Variants in CENPK observed in about 807,000 individuals in gnomAD.
The protein encoded by CENPK is centromere protein K, also known as SoxLZ/Sox6-binding protein Solt.
Under a neutral mutation model 40.9 loss-of-function variants are expected in CENPK, and 46 were observed. That is an observed-to-expected ratio of 1.13 (90% CI 0.89 to 1.44). CENPK has a LOEUF of 1.44. CENPK is among the 40% of genes most tolerant of loss of function. CENPK has a pLI of 0.00. For missense variants in CENPK, 288 were observed against 303.5 expected, an observed-to-expected ratio of 0.95 and a Z score of 0.38; for synonymous variants, 107 against 104.4, an observed-to-expected ratio of 1.02 and a Z score of -0.15.
Position 65,518,482 on chromosome 5 carries a change from T to G in CENPK, c.803A>C (p.His268Pro). Residue 268 changes from histidine to proline, a missense_variant, in exon 11 of 11, where the codon CAT (histidine) becomes CCT (proline). Transcript: ENST00000396679. ...DPTRIRLEAFHQ is the reference protein window; with the variant it reads ...DPTRIRLEAFPQ Reference sequence around the variant, plus strand: ...AAAAAAGAAAACATCCTTTTACTGATGGAAAGCTTCTAATCTTATTCGGGT... The same window carrying G: ...AAAAAAGAAAACATCCTTTTACTGAGGGAAAGCTTCTAATCTTATTCGGGT... 1 of 1,609,504 alleles carries G rather than the reference T, an allele frequency of 6.2e-7. No homozygotes were observed. The highest frequency in any genetic ancestry group is 8.5e-7 in the Non-Finnish European group (1 of 1,178,946).
intron 6 of CENPK, among the ~76,000 whole-genome samples, chr5:65,539,307 T>C (rs72762433): frequency 0.21 from 31,535 of 152,148 alleles, 3,846 homozygotes; most frequent in South Asian, 0.32. Context: ...CTAAATATGA[T>C]TTAAATTAAA....
chr5:65,511,339 C>T, the CENPK span, among the ~76,000 whole-genome samples: 1 of 152,162 alleles, frequency 6.6e-6, no homozygotes, highest in Non-Finnish European at 1.5e-5. Flanking sequence ...AGTGGCTATG[C>T]TAAACAGCAA....
chr5:65,524,141 CA>C lies in CENPK; in HGVS notation c.598-2614del, dbSNP rs1744242650. On this transcript the variant is annotated intron_variant, in intron 9 of 10. Transcript: ENST00000396679. ...CTGTAATCCTAGCACTTTGCGAGGC[CA>C]AGGCGGGCAGATCACCAGCTCAGGA... 2.0e-5 allele frequency among the ~76,000 whole-genome samples: 3 copies of C among 151,678 alleles called. No homozygotes were observed. In the South Asian group the frequency reaches 6.2e-4, roughly 32 times the overall value.
downstream of CENPK, among the ~76,000 whole-genome samples, chr5:65,515,204 A>AATTTTTT (rs35708852): frequency 2.4e-4 from 30 of 124,056 alleles, no homozygotes; most frequent in East Asian, 5.6e-4. Flanking sequence ...TCTCAAAAAA[A>AATTTTTT]TTTTTTTTTT....
chr5:65,542,899 A>G lies in CENPK; in HGVS notation c.242-51T>C, dbSNP rs758011543. On this transcript the variant is annotated intron_variant, in intron 5 of 10. Coordinates refer to ENST00000396679, the MANE Select transcript of CENPK (RefSeq NM_022145.5). ...TACACATATATTTAGTTAATTCTCA[A>G]AAATCAAGAATTTAATTTTGCGGTT... 3 of 1,499,778 alleles carry G rather than the reference A, an allele frequency of 2.0e-6. No homozygotes were observed. In the South Asian group the frequency reaches 3.6e-5, roughly 18 times the overall value. 92.9% of individuals were successfully genotyped at this position (1,499,778 alleles called of 1,614,324 possible).
At chr5:65,514,537 TTACAGGC>T (rs1742736493), downstream of CENPK, among the ~76,000 whole-genome samples, 1 of 152,130 alleles carries the variant, frequency 6.6e-6, no homozygotes, top group African/African-American at 2.4e-5. Context: ...AGTGCTGGGA[TTACAGGC>T]GTGAGCCATC....
At chr5:65,527,120 T>C (rs1361098132) in intron 9 of CENPK, among the ~76,000 whole-genome samples, 1 of 151,608 alleles carries the variant, frequency 6.6e-6, no homozygotes, top group African/African-American at 2.4e-5. Flanking sequence ...AAATAAAAAA[T>C]AAAAATAAAT....
At chr5:65,525,927 T>G (rs1744630216) in intron 9 of CENPK, among the ~76,000 whole-genome samples, 1 of 152,302 alleles carries the variant, frequency 6.6e-6, no homozygotes, top group South Asian at 2.1e-4. Context: ...GTGAAACTTT[T>G]GTTTAAACCA....
chr5:65,497,341 C>A, the CENPK span, among the ~76,000 whole-genome samples: 1 of 151,972 alleles, frequency 6.6e-6, no homozygotes, highest in Non-Finnish European at 1.5e-5. Flanking sequence ...TGCACTCCAG[C>A]CTAAGCGACA....
At chr5:65,541,618 C>T (rs1487454615) in intron 6 of CENPK, among the ~76,000 whole-genome samples, 1 of 152,186 alleles carries the variant, frequency 6.6e-6, no homozygotes, top group Non-Finnish European at 1.5e-5. Context: ...GTGCATATTT[C>T]TACCAACATT....
In CENPK at chr5:65,517,892, ATAT is replaced by A. The variant is rs1159449444; in HGVS notation, c.*580_*582del. ...AGATTAATATATAAGGTAACATGAT[ATAT>A]TAATAATACAAACTAAAATATCAAT... On this transcript the variant is annotated 3_prime_UTR_variant, in exon 11 of 11. Coordinates refer to ENST00000396679, the MANE Select transcript of CENPK (RefSeq NM_022145.5). 3 of 152,224 alleles carry A rather than the reference ATAT, an allele frequency of 2.0e-5. No homozygotes were observed. Among genetic ancestry groups the A allele is most frequent in the Admixed American group, 2.0e-4 (3 of 15,288 alleles). The allele number at this position is 152,224 out of a possible 1,614,324, so 9.4% of individuals were successfully genotyped here. A position where few individuals can be genotyped will look rare whatever the true frequency, so the allele number is the denominator to read the frequency against.
At chr5:65,542,427 A>G (rs1386012145) in intron 6 of CENPK, among the ~76,000 whole-genome samples, 3 of 152,198 alleles carry the variant, frequency 2.0e-5, no homozygotes, top group Non-Finnish European at 4.4e-5. Context: ...TCACGAAGTC[A>G]GGAGTTCAAG....
chr5:65,527,665 A>T (rs4296750), intron 9 of CENPK, among the ~76,000 whole-genome samples: 1 of 150,694 alleles, frequency 6.6e-6, no homozygotes, highest in Non-Finnish European at 1.5e-5. Flanking sequence ...ATTAATCTGT[A>T]ACAAATTTTA....
rs1580930674 is a variant in CENPK, at chr5:65,529,120, T to C, written c.368A>G (p.Glu123Gly). The change falls in exon 7 of 11, where the codon GAA (glutamate) becomes GGA (glycine). Residue 123 changes from glutamate (E) to glycine (G), a missense_variant. By Grantham distance (98) the Glu-to-Gly change is moderately conservative. Coordinates refer to ENST00000396679, the MANE Select transcript of CENPK (RefSeq NM_022145.5). ...AGTAATTGTAACATAAACAAACCTT[T>C]CTAAGTCTTCCTTTAACTTTTCATT... ...SKNEKLKEDL[E>G]REQRWLDEQQ... 1.2e-6 allele frequency: 2 copies of C among 1,600,820 alleles called. No homozygotes were observed. The highest frequency in any genetic ancestry group is 4.5e-5 in the East Asian group (2 of 44,694).
intron 5 of CENPK, among the ~76,000 whole-genome samples, chr5:65,549,053 C>T (rs558178716): frequency 6.6e-6 from 1 of 152,314 alleles, no homozygotes; most frequent in East Asian, 1.9e-4. Flanking sequence ...AAGTGTATTT[C>T]TTAAATAATA....
the CENPK span, among the ~76,000 whole-genome samples, chr5:65,505,228 C>A: frequency 6.6e-6 from 1 of 152,078 alleles, no homozygotes; most frequent in African/African-American, 2.4e-5. Context: ...CCTTTTTACC[C>A]CCAGCACCAA....
At chr5:65,508,744 C>T in the CENPK span, among the ~76,000 whole-genome samples, 42 of 149,458 alleles carry the variant, frequency 2.8e-4, no homozygotes, top group African/African-American at 9.7e-4. Flanking sequence ...GGAGATCATG[C>T]CACTGCACTC....
the CENPK span, among the ~76,000 whole-genome samples, chr5:65,509,626 T>C: frequency 6.6e-6 from 1 of 152,216 alleles, no homozygotes; most frequent in Non-Finnish European, 1.5e-5. Context: ...TGTACGGACA[T>C]ATTTTCAACG....
In CENPK at chr5:65,554,947, C is replaced by T. The variant is rs1345308141; in HGVS notation, c.-39-1G>A. 1 of 1,179,538 alleles carries T rather than the reference C, an allele frequency of 8.5e-7. No individual in the cohort carries two copies. The highest frequency in any genetic ancestry group is 1.5e-5 in the African/African-American group (1 of 65,658). The allele number at this position is 1,179,538 out of a possible 1,614,324, so 73.1% of individuals were successfully genotyped here. A position where few individuals can be genotyped will look rare whatever the true frequency, so the allele number is the denominator to read the frequency against. On this transcript the variant is annotated splice_acceptor_variant, in intron 2 of 10. Transcript: ENST00000396679. LOFTEE classifies it low-confidence loss of function (5UTR_SPLICE). The stretch of plus-strand genomic sequence containing the variant: ...TGAATTTTTAGCCTTATAAGAAAAA[C>T]TAAAGCAAAAAATATTTATTCATTC...
Sources: allele counts gnomAD v4.1 joint callset (sites outside exome capture counted in the v4.1 genomes callset), GRCh38; gene constraint gnomAD v4.1.1; transcripts MANE v1.5; gene names NCBI Gene and HGNC (gene_info 2026-07-23, HGNC 2026-07-21).